Variants in KCTD1 observed in about 807,000 individuals in gnomAD.
The protein encoded by KCTD1 is potassium channel tetramerization domain containing 1.
Under a neutral mutation model 66.0 loss-of-function variants are expected in KCTD1, and 24 were observed. The observed-to-expected ratio is 0.36, with a 90% CI of 0.26 to 0.51. KCTD1 has a LOEUF of 0.51. Among genes scored for constraint, KCTD1 ranks in the 20% least tolerant of loss-of-function variants. KCTD1 has a pLI of 0.95. For synonymous variants in KCTD1, 511 were observed against 517.2 expected, an observed-to-expected ratio of 0.99 and a Z score of 0.16; for missense variants, 943 against 1,205.2, an observed-to-expected ratio of 0.78 and a Z score of 3.22.
intron 1 of KCTD1, among the ~76,000 whole-genome samples, chr18:26,616,454 C>G (rs1395358669): frequency 9.6e-6 from 1 of 104,164 alleles, no homozygotes; most frequent in African/African-American, 3.6e-5. Context: ...CAGCTAATCC[C>G]TTACATACAT....
intron 1 of KCTD1, among the ~76,000 whole-genome samples, chr18:26,573,494 A>T (rs1211798283): frequency 6.6e-6 from 1 of 152,226 alleles, no homozygotes; most frequent in Non-Finnish European, 1.5e-5. Flanking sequence ...GTTTATTTTG[A>T]ATTAATACGA....
intron 1 of KCTD1, among the ~76,000 whole-genome samples, chr18:26,586,707 C>A (rs1986480228): frequency 6.6e-6 from 1 of 152,210 alleles, no homozygotes; most frequent in Non-Finnish European, 1.5e-5. Flanking sequence ...AGCAAAACAG[C>A]CTTATTGCTG....
intron 2 of KCTD1, among the ~76,000 whole-genome samples, chr18:26,481,814 C>T (rs1021461395): frequency 3.5e-4 from 54 of 152,264 alleles, no homozygotes; most frequent in African/African-American, 1.2e-3. Context: ...CCATCCCCAG[C>T]TATTCTGATG....
At chr18:26,592,807 C>G (rs1259658187) in intron 1 of KCTD1, among the ~76,000 whole-genome samples, 1 of 152,244 alleles carries the variant, frequency 6.6e-6, no homozygotes, top group Non-Finnish European at 1.5e-5. Flanking sequence ...GAAATGGGGG[C>G]AAGTTTTAGA....
intron 1 of KCTD1, among the ~76,000 whole-genome samples, chr18:26,617,854 AGGGAGGG>A (rs1271209689): frequency 1.6e-3 from 5 of 3,156 alleles, no homozygotes; most frequent in Non-Finnish European, 1.7e-3. Context: ...GAAGGAAGGG[AGGGAGGG>A]AGGGAGGGAG....
At chr18:26,521,554 A>G (rs1389804247) in intron 1 of KCTD1, among the ~76,000 whole-genome samples, 1 of 152,248 alleles carries the variant, frequency 6.6e-6, no homozygotes, top group Admixed American at 6.5e-5. Flanking sequence ...CGGGCACAGT[A>G]AGAAAACAAT....
At chr18:26,537,357 T>C (rs1195390748) in intron 1 of KCTD1, among the ~76,000 whole-genome samples, 1 of 152,206 alleles carries the variant, frequency 6.6e-6, no homozygotes, top group African/African-American at 2.4e-5. Context: ...TATGCTATTC[T>C]ATAAAACCCA....
Position 26,468,031 on chromosome 18 carries a change from AAGAG to A in KCTD1, c.2134-8110_2134-8107del, listed in dbSNP as rs991224064. 9.9e-5 allele frequency among the ~76,000 whole-genome samples: 15 copies of A among 151,216 alleles called. No individual in the cohort carries two copies. Among genetic ancestry groups the A allele is most frequent in the African/African-American group, 3.6e-4 (15 of 41,330 alleles). ...GGCTACAGAGAGAGAGAGAGAGAGAAAGAGAGAATTGTGTGGTTCTCCATAAAAA... is the reference window on the plus strand; with the variant it reads ...GGCTACAGAGAGAGAGAGAGAGAGAAAGAATTGTGTGGTTCTCCATAAAAA... On this transcript the variant is annotated intron_variant, in intron 3 of 4. Coordinates refer to ENST00000580059, the MANE Select transcript of KCTD1 (RefSeq NM_001142730.3). The surrounding 1 kb of genome is among the most constrained non-coding windows in gnomAD (Gnocchi z 4.8).
chr18:26,501,384 T>G, intron 1 of KCTD1, 134 bp from the exon 2 acceptor site: 1 of 735,618 alleles, frequency 1.4e-6, no homozygotes, highest in Non-Finnish European at 2.1e-6. Flanking sequence ...CGGCAAGCTC[T>G]TGCTTTTGTT....
intron 1 of KCTD1, among the ~76,000 whole-genome samples, chr18:26,621,098 GC>G (rs1354325206): frequency 6.6e-6 from 1 of 152,326 alleles, no homozygotes; most frequent in East Asian, 1.9e-4. Context: ...CTCCCAAAGT[GC>G]CGGGATTACA....
intron 1 of KCTD1, among the ~76,000 whole-genome samples, chr18:26,514,863 G>A (rs536327925): frequency 1.8e-4 from 28 of 152,314 alleles, no homozygotes; most frequent in Non-Finnish European, 3.4e-4. Flanking sequence ...TTGTTTCTTG[G>A]AATATTTTGG....
chr18:26,521,985 G>GA lies in KCTD1; in HGVS notation c.1810-20736dup, dbSNP rs374694810. 1.2e-3 allele frequency among the ~76,000 whole-genome samples: 183 copies of GA among 151,348 alleles called. 3 individuals are homozygous for GA. Among genetic ancestry groups the GA allele is most frequent in the African/African-American group, 4.0e-3 (164 of 41,294 alleles). ...AACCATACCTCAATAAAGGTGACTG[G>GA]AAAAAAAAAGTAGTTCTAAGGAAAA... On this transcript the variant is annotated intron_variant, in intron 1 of 4. Coordinates refer to ENST00000580059, the MANE Select transcript of KCTD1 (RefSeq NM_001142730.3).
chr18:26,560,021 A>G (rs1304298094), intron 1 of KCTD1, among the ~76,000 whole-genome samples: 1 of 152,068 alleles, frequency 6.6e-6, no homozygotes, highest in African/African-American at 2.4e-5. Context: ...GGGAGGCTTT[A>G]CATTACATGT....
chr18:26,456,033 T>G lies in KCTD1; in HGVS notation c.2440-132A>C, dbSNP rs1598868565. 5.0e-6 allele frequency: 4 copies of G among 795,114 alleles called. No individual in the cohort carries two copies. The East Asian group carries it at 1.1e-4, about 22-fold the overall frequency. The allele number at this position is 795,114 out of a possible 1,614,324, so 49.3% of individuals were successfully genotyped here. Reference sequence around the variant, plus strand: ...CACCCATGTCCCTGTGAGCTGCTCCTCTCAAAGGAAGACCCTGGATTAATG... The same window carrying G: ...CACCCATGTCCCTGTGAGCTGCTCCGCTCAAAGGAAGACCCTGGATTAATG... On this transcript the variant is annotated intron_variant, in intron 4 of 4. Coordinates refer to ENST00000580059, the MANE Select transcript of KCTD1 (RefSeq NM_001142730.3).
chr18:26,636,572 A>G (rs1164291717), intron 1 of KCTD1, among the ~76,000 whole-genome samples: 2 of 152,306 alleles, frequency 1.3e-5, no homozygotes, highest in African/African-American at 4.8e-5. Context: ...GGGTTGGGGA[A>G]AAAGTAATCG....
At chr18:26,516,712 T>C (rs1983672784) in intron 1 of KCTD1, among the ~76,000 whole-genome samples, 1 of 152,224 alleles carries the variant, frequency 6.6e-6, no homozygotes, top group South Asian at 2.1e-4. Flanking sequence ...AATCCTTTTT[T>C]ATTTTTGGTA....
chr18:26,524,200 G>A lies in KCTD1; in HGVS notation c.1809+22528C>T, dbSNP rs550554220. Among the ~76,000 whole-genome samples the A allele has an allele frequency of 5.3e-5, 8 of 152,296 alleles. No homozygotes were observed. The South Asian group carries it at 1.7e-3, about 32-fold the overall frequency. On this transcript the variant is annotated intron_variant, in intron 1 of 4. Transcript: ENST00000580059. ...CATTGCCTGCTTTCCAGCAGGGGTA[G>A]GGGGATGCCTGTTGCTAGGAACAGC...
chr18:26,605,768 C>CTATCTATCTATCTATA (rs558732795), intron 1 of KCTD1, among the ~76,000 whole-genome samples: 1 of 134,130 alleles, frequency 7.5e-6, no homozygotes, highest in African/African-American at 2.8e-5. Context: ...ATCTATCTAT[C>CTATCTATCTATCTATA]TATATTACAT....
intron 3 of KCTD1, among the ~76,000 whole-genome samples, chr18:26,465,770 A>AG (rs917343424): frequency 6.6e-6 from 1 of 152,126 alleles, no homozygotes; most frequent in African/African-American, 2.4e-5. Context: ...CCTGATGTCT[A>AG]GGGCGTGCTG....
Sources: allele counts gnomAD v4.1 joint callset (sites outside exome capture counted in the v4.1 genomes callset), GRCh38; gene constraint gnomAD v4.1.1; non-coding constraint Gnocchi (gnomAD v3.1); transcripts MANE v1.5; gene names NCBI Gene and HGNC (gene_info 2026-07-23, HGNC 2026-07-21).